Variants in SIL1 observed in about 807,000 individuals in gnomAD.
SIL1 encodes the protein SIL1 nucleotide exchange factor.
A neutral mutation model predicts 49.1 loss-of-function variants in SIL1; 40 were observed. That is an observed-to-expected ratio of 0.81 (90% CI 0.63 to 1.06). The LOEUF (loss-of-function observed/expected upper bound fraction) is 1.06, where lower values mean the gene tolerates loss of function less well. Among genes scored for constraint, SIL1 ranks in the 50% least tolerant of loss-of-function variants. SIL1 has a pLI of 0.00. For synonymous variants in SIL1, 253 were observed against 250.8 expected, an observed-to-expected ratio of 1.01 and a Z score of -0.08; for missense variants, 500 against 572.6, an observed-to-expected ratio of 0.87 and a Z score of 1.29.
chr5:139,006,989 C>A (rs1456655981), intron 7 of SIL1, among the ~76,000 whole-genome samples: 1 of 139,948 alleles, frequency 7.1e-6, no homozygotes, highest in Non-Finnish European at 1.5e-5. Context: ...TTTTCCAATT[C>A]TGTGAAGAAA....
chr5:139,185,764 T>TCA (rs1020589381), intron 1 of SIL1, among the ~76,000 whole-genome samples: 1 of 152,158 alleles, frequency 6.6e-6, no homozygotes, highest in African/African-American at 2.4e-5. Context: ...GATGGGGATA[T>TCA]CATTTGTGGC....
At chr5:138,972,252 C>T (rs1767295919) in intron 7 of SIL1, among the ~76,000 whole-genome samples, 1 of 152,218 alleles carries the variant, frequency 6.6e-6, no homozygotes. Context: ...AACATCTGGT[C>T]ACCAAGTTCT....
intron 5 of SIL1, among the ~76,000 whole-genome samples, chr5:139,037,694 GTTC>G (rs888371279): frequency 5.3e-5 from 8 of 152,016 alleles, no homozygotes; most frequent in African/African-American, 1.7e-4. Flanking sequence ...ATTCCATTTG[GTTC>G]TTTTTTCTTA....
At chr5:138,952,785 T>C (rs1283355393) in intron 7 of SIL1, among the ~76,000 whole-genome samples, 2 of 152,380 alleles carry the variant, frequency 1.3e-5, no homozygotes, top group South Asian at 4.1e-4. Context: ...GATGAAGGGA[T>C]GAGGGGCCTG....
At chr5:138,998,233 G>A (rs1032125485) in intron 7 of SIL1, among the ~76,000 whole-genome samples, 4 of 152,160 alleles carry the variant, frequency 2.6e-5, no homozygotes, top group Non-Finnish European at 4.4e-5. Flanking sequence ...AGGCTGGAGT[G>A]TGGTGGTGTG....
chr5:138,999,014 G>A (rs557585933), intron 7 of SIL1, among the ~76,000 whole-genome samples: 17 of 151,934 alleles, frequency 1.1e-4, no homozygotes, highest in Middle Eastern at 6.8e-3. Context: ...CCGCCACCAC[G>A]CCCAGCTAAT....
At chr5:139,131,401 T>C (rs1338780276) in intron 1 of SIL1, among the ~76,000 whole-genome samples, 3 of 152,000 alleles carry the variant, frequency 2.0e-5, no homozygotes, top group African/African-American at 7.3e-5. Flanking sequence ...TCAGAAGTCA[T>C]TACCCCTCTG....
At chr5:139,043,311 C>T (rs904935536) in intron 4 of SIL1, among the ~76,000 whole-genome samples, 8 of 152,208 alleles carry the variant, frequency 5.3e-5, no homozygotes, top group South Asian at 2.1e-4. Context: ...TCCCTCAGCA[C>T]GCTGCCAGGG....
At position 139,190,958 on chromosome 5, in the gene SIL1, A is replaced by C. The variant is rs189444319; in HGVS notation, c.-11+7311T>G. On this transcript the variant is annotated intron_variant, in intron 1 of 9. Coordinates refer to ENST00000394817, the MANE Select transcript of SIL1 (RefSeq NM_022464.5). ...AACAAGAAGCAACCTTAGGCCAGAG[A>C]CAGTGGCTCACACCTGTAATCCCAG... Among the ~76,000 whole-genome samples the C allele has an allele frequency of 2.0e-4, 31 of 152,218 alleles. No homozygotes were observed. In the East Asian group the frequency reaches 6.0e-3, roughly 29 times the overall value.
chr5:138,951,997 T>A, intron 7 of SIL1, 113 bp from the exon 8 acceptor site: 1 of 959,324 alleles, frequency 1.0e-6, no homozygotes, highest in Admixed American at 1.8e-5. Context: ...CAACAGAGGT[T>A]CCCACACGGG....
intron 1 of SIL1, among the ~76,000 whole-genome samples, chr5:139,168,775 T>C (rs979431546): frequency 2.0e-5 from 3 of 151,906 alleles, no homozygotes; most frequent in Non-Finnish European, 2.9e-5. Context: ...TTTAAGACCA[T>C]CCTGGGCAAC....
rs746363870 is a variant in SIL1 at position 139,049,793 on chromosome 5, TAAA to T, written c.353+1142_353+1144del. ...AGGCAACAGAGCAAGACCCTATCTCTAAAAAAAAAAAAAAAAAAATCATCATCA... is the reference window on the plus strand; with the variant it reads ...AGGCAACAGAGCAAGACCCTATCTCTAAAAAAAAAAAAAAAATCATCATCA... On this transcript the variant is annotated intron_variant, in intron 4 of 9. Coordinates refer to ENST00000394817, the MANE Select transcript of SIL1 (RefSeq NM_022464.5). Among the ~76,000 whole-genome samples, 752 of 117,602 alleles carry T rather than the reference TAAA, an allele frequency of 6.4e-3. 2 individuals are homozygous for T. The highest frequency in any genetic ancestry group is 0.023 in the African/African-American group (720 of 31,594). 77.2% of individuals were successfully genotyped at this position (117,602 alleles called of 152,430 possible).
intron 3 of SIL1, among the ~76,000 whole-genome samples, chr5:139,072,986 CAAATT>C: frequency 6.6e-6 from 1 of 152,160 alleles, no homozygotes; most frequent in South Asian, 2.1e-4. Context: ...CAGGGAAACA[CAAATT>C]AAAATCACAA....
chr5:139,061,772 G>C (rs1326596797), intron 3 of SIL1, among the ~76,000 whole-genome samples: 1 of 152,160 alleles, frequency 6.6e-6, no homozygotes, highest in Non-Finnish European at 1.5e-5. Context: ...AAGTCCTACA[G>C]GTAGGTGTTA....
rs181487143 is a variant in SIL1, at chr5:139,162,951, A to G, written c.-10-35098T>C. 2.6e-5 allele frequency among the ~76,000 whole-genome samples: 4 copies of G among 152,222 alleles called. No individual in the cohort carries two copies. The East Asian group carries it at 7.7e-4, about 29-fold the overall frequency. On this transcript the variant is annotated intron_variant, in intron 1 of 9. Coordinates refer to ENST00000394817, the MANE Select transcript of SIL1 (RefSeq NM_022464.5). ...TTTCTTGTAAATAACAGCAGAACTG[A>G]GCTGAGAATGACAAAGAGCTCATCC...
intron 7 of SIL1, among the ~76,000 whole-genome samples, chr5:139,020,060 G>A (rs971449044): frequency 6.6e-6 from 1 of 152,182 alleles, no homozygotes; most frequent in Non-Finnish European, 1.5e-5. Context: ...CTTCCTGGGA[G>A]ACTTTGGTTC....
At chr5:139,058,323 T>G (rs1221951303) in intron 3 of SIL1, among the ~76,000 whole-genome samples, 1 of 151,466 alleles carries the variant, frequency 6.6e-6, no homozygotes, top group South Asian at 2.1e-4. Flanking sequence ...TGCACAACAC[T>G]GTGGGTAAAC....
intron 3 of SIL1, among the ~76,000 whole-genome samples, chr5:139,113,100 A>T (rs1318655268): frequency 6.6e-6 from 1 of 151,926 alleles, no homozygotes; most frequent in Admixed American, 6.6e-5. Context: ...TGAAGGCAGC[A>T]TGCTCGTTAA....
intron 1 of SIL1, among the ~76,000 whole-genome samples, chr5:139,130,599 A>T (rs1356834616): frequency 1.3e-5 from 2 of 152,184 alleles, no homozygotes; most frequent in Non-Finnish European, 2.9e-5. Flanking sequence ...TATAGAATTA[A>T]CATATGTCCC....
Sources: gnomAD v4.1 joint callset for allele counts (sites outside exome capture counted in the v4.1 genomes callset) on GRCh38, gnomAD v4.1.1 for gene constraint, MANE v1.5 for transcripts, NCBI Gene and HGNC (gene_info 2026-07-23, HGNC 2026-07-21) for gene names.